Variants in TRDN observed in about 807,000 individuals in gnomAD.
The protein encoded by TRDN is triadin, also known as triadin in skeletal muscle.
Under a neutral mutation model 149.7 loss-of-function variants are expected in TRDN, and 161 were observed. The observed-to-expected ratio is 1.08, with a 90% CI of 0.95 to 1.23. The LOEUF (loss-of-function observed/expected upper bound fraction) is 1.23. Among genes scored for constraint, TRDN ranks in the 50% most tolerant of loss-of-function variants. The pLI is 0.00. For missense variants in TRDN, 896 were observed against 823.5 expected, an observed-to-expected ratio of 1.09 and a Z score of -1.08; for synonymous variants, 294 against 250.5, an observed-to-expected ratio of 1.17 and a Z score of -1.64.
At chr6:123,632,598 A>G (rs1786064873) in intron 1 of TRDN, among the ~76,000 whole-genome samples, 1 of 152,070 alleles carries the variant, frequency 6.6e-6, no homozygotes, top group Non-Finnish European at 1.5e-5. Flanking sequence ...TACTTATAAG[A>G]CTAAAAATAA....
chr6:123,257,475 G>A (rs1440202006), intron 35 of TRDN, among the ~76,000 whole-genome samples: 2 of 151,946 alleles, frequency 1.3e-5, no homozygotes, highest in Non-Finnish European at 2.9e-5. Flanking sequence ...TTATTTCTGA[G>A]GCCTCTATTC....
chr6:123,628,126 T>C (rs1785773486), intron 1 of TRDN, among the ~76,000 whole-genome samples: 1 of 152,206 alleles, frequency 6.6e-6, no homozygotes, highest in African/African-American at 2.4e-5. Context: ...ATTCACAACT[T>C]GGCTGTTTGG....
chr6:123,514,446 C>A (rs1779329143), intron 6 of TRDN, among the ~76,000 whole-genome samples: 1 of 152,068 alleles, frequency 6.6e-6, no homozygotes, highest in South Asian at 2.1e-4. Flanking sequence ...AGAAAGACCA[C>A]AAGAAAATGT....
intron 38 of TRDN, among the ~76,000 whole-genome samples, chr6:123,225,137 C>T (rs898444282): frequency 2.0e-5 from 3 of 151,496 alleles, no homozygotes; most frequent in African/African-American, 7.3e-5. Flanking sequence ...TGGAAAGATG[C>T]CTTATATTAT....
intron 1 of TRDN, among the ~76,000 whole-genome samples, chr6:123,580,458 A>G (rs1783067760): frequency 6.6e-6 from 1 of 152,168 alleles, no homozygotes; most frequent in African/African-American, 2.4e-5. Context: ...TAGAGTTACA[A>G]CTTCTCAGAT....
At chr6:123,587,923 A>G (rs986821372) in intron 1 of TRDN, among the ~76,000 whole-genome samples, 1 of 152,192 alleles carries the variant, frequency 6.6e-6, no homozygotes, top group Non-Finnish European at 1.5e-5. Flanking sequence ...GAATGTTATC[A>G]GTTAAGGCAG....
chr6:123,409,507 A>C (rs1206654757), intron 12 of TRDN, among the ~76,000 whole-genome samples: 1 of 152,214 alleles, frequency 6.6e-6, no homozygotes, highest in Non-Finnish European at 1.5e-5. Flanking sequence ...ACCAACCATA[A>C]TACTTTGAAC....
chr6:123,273,832 T>C (rs993579838), intron 27 of TRDN, among the ~76,000 whole-genome samples: 4 of 152,038 alleles, frequency 2.6e-5, no homozygotes, highest in African/African-American at 9.7e-5. Context: ...CCATAGAGCC[T>C]GAGGGTTTTT....
intron 1 of TRDN, among the ~76,000 whole-genome samples, chr6:123,590,768 A>C (rs185738652): frequency 7.9e-4 from 120 of 152,276 alleles, no homozygotes; most frequent in African/African-American, 2.8e-3. Context: ...GTCTCAAAAA[A>C]AATAATAATG....
chr6:123,441,316 G>T (rs1306682084), intron 10 of TRDN, among the ~76,000 whole-genome samples: 1 of 151,978 alleles, frequency 6.6e-6, no homozygotes, highest in Non-Finnish European at 1.5e-5. Flanking sequence ...ACCTGACTTT[G>T]AACACACATA....
At chr6:123,507,781 A>G (rs1229706532) in intron 7 of TRDN, among the ~76,000 whole-genome samples, 1 of 152,202 alleles carries the variant, frequency 6.6e-6, no homozygotes, top group African/African-American at 2.4e-5. Context: ...AAAAAATGAC[A>G]TCAGCATATT....
chr6:123,547,435 C>A, intron 3 of TRDN, 63 bp from the exon 4 acceptor site: 2 of 907,924 alleles, frequency 2.2e-6, no homozygotes, highest in South Asian at 2.5e-5. Context: ...AATATGACAT[C>A]ATTATTTTCC....
intron 24 of TRDN, among the ~76,000 whole-genome samples, chr6:123,305,515 G>A (rs1005569389): frequency 3.9e-5 from 6 of 152,036 alleles, no homozygotes; most frequent in African/African-American, 1.4e-4. Flanking sequence ...GGTAATGCTA[G>A]GCAAGTTCTA....
At chr6:123,434,720 T>C (rs1343739428) in intron 12 of TRDN, among the ~76,000 whole-genome samples, 1 of 152,154 alleles carries the variant, frequency 6.6e-6, no homozygotes, top group Non-Finnish European at 1.5e-5. Context: ...ATGGTATTTC[T>C]TCAAGTAAAA....
chr6:123,415,747 A>G (rs1309296894), intron 12 of TRDN, among the ~76,000 whole-genome samples: 1 of 152,324 alleles, frequency 6.6e-6, no homozygotes, highest in Middle Eastern at 3.4e-3. Context: ...ATAAGTAGAC[A>G]TTAGGCTAAT....
intron 10 of TRDN, chr6:123,439,625 C>T (rs1774764405): frequency 6.6e-6 from 1 of 152,172 alleles, no homozygotes; most frequent in Non-Finnish European, 1.5e-5. Flanking sequence ...GTCTGGATGC[C>T]ACATCAAACT....
intron 24 of TRDN, among the ~76,000 whole-genome samples, chr6:123,297,652 A>G (rs1018017184): frequency 6.6e-6 from 1 of 152,068 alleles, no homozygotes; most frequent in African/African-American, 2.4e-5. Flanking sequence ...AATTCTGATC[A>G]TAGCCACAGA....
chr6:123,427,926 CTA>C (rs1224319975), intron 12 of TRDN, among the ~76,000 whole-genome samples: 1 of 152,100 alleles, frequency 6.6e-6, no homozygotes, highest in African/African-American at 2.4e-5. Context: ...CTGCTTTATT[CTA>C]TGTTGGGTTG....
intron 6 of TRDN, 140 bp downstream of exon 6, chr6:123,516,001 T>C (rs1583174738): frequency 1.0e-6 from 1 of 986,794 alleles, no homozygotes; most frequent in Non-Finnish European, 1.3e-6. Context: ...CAGAAATTCC[T>C]TTTTTCAGAT....
Sources: gnomAD v4.1 joint callset for allele counts (sites outside exome capture counted in the v4.1 genomes callset) on GRCh38, gnomAD v4.1.1 for gene constraint, MANE v1.5 for transcripts, NCBI Gene and HGNC (gene_info 2026-07-23, HGNC 2026-07-21) for gene names.